LMX1B: variants seen among roughly 807,000 people sequenced by gnomAD.
LMX1B encodes LIM homeobox transcription factor 1-beta.
A neutral mutation model predicts 51.4 loss-of-function variants in LMX1B; 12 were observed. The ratio of observed to expected loss-of-function variants is 0.23; its 90% confidence interval spans 0.15 to 0.38. The LOEUF (loss-of-function observed/expected upper bound fraction) is 0.38. LMX1B is among the 10% of genes least tolerant of loss of function. The probability of loss-of-function intolerance (pLI) is 1.00; values close to 1 mark genes in which losing one functional copy is unlikely to be tolerated. For synonymous variants in LMX1B, 237 were observed against 235.4 expected (o/e 1.01, Z -0.06); for missense variants, 445 against 571.1 (o/e 0.78, Z 2.25).
At chr9:126,674,811 C>T (rs2118952988) in intron 2 of LMX1B, among the ~76,000 whole-genome samples, 1 of 152,354 alleles carries the variant, frequency 6.6e-6, no homozygotes, top group Admixed American at 6.5e-5. Flanking sequence ...CGCTGTGCCT[C>T]TCACCTGCAG....
intron 2 of LMX1B, among the ~76,000 whole-genome samples, chr9:126,639,858 C>G (rs2118878891): frequency 6.6e-6 from 1 of 152,330 alleles, no homozygotes; most frequent in South Asian, 2.1e-4. Flanking sequence ...CTGTGATGAT[C>G]TTTAGCAGGG....
At chr9:126,633,021 A>G (rs1421212472) in intron 2 of LMX1B, among the ~76,000 whole-genome samples, 2 of 152,120 alleles carry the variant, frequency 1.3e-5, no homozygotes, top group Non-Finnish European at 2.9e-5. Context: ...GCCCACATCA[A>G]GGTCTTACTC....
In LMX1B at chr9:126,615,757, G is replaced by T. The variant is rs573342837; in HGVS notation, c.326+188G>T. Among the ~76,000 whole-genome samples, 16 of 152,290 alleles carry T rather than the reference G, an allele frequency of 1.1e-4. No individual in the cohort carries two copies. The highest frequency in any genetic ancestry group is 1.0e-3 in the South Asian group (5 of 4,826). On this transcript the variant is annotated intron_variant, in intron 2 of 7. Transcript: ENST00000373474. This position sits in a 1 kb window ranked among gnomAD's most constrained non-coding sequence, Gnocchi z 6.0. ...CCAGCCCAGCCCAGCGGGCACTGAT[G>T]GGGTCCTGGGAGCCTCCGGACGGCC...
chr9:126,676,420 C>A (rs981659777), intron 2 of LMX1B, among the ~76,000 whole-genome samples: 4 of 152,170 alleles, frequency 2.6e-5, no homozygotes, highest in Non-Finnish European at 5.9e-5. Flanking sequence ...ACCTGGCACA[C>A]AATAAGCACC....
chr9:126,667,222 C>T (rs1836357546), intron 2 of LMX1B, among the ~76,000 whole-genome samples: 1 of 152,170 alleles, frequency 6.6e-6, no homozygotes, highest in South Asian at 2.1e-4. Flanking sequence ...TCCATATTTC[C>T]TCTAACTGCT....
intron 2 of LMX1B, among the ~76,000 whole-genome samples, chr9:126,651,399 A>G (rs4369083): frequency 0.46 from 67,631 of 146,326 alleles, 16,684 homozygotes; most frequent in East Asian, 0.94. Flanking sequence ...GGCAGGTGCA[A>G]GGGGTGGGGC....
At position 126,626,108 on chromosome 9, in the gene LMX1B, G is replaced by A. The variant is rs1835524175; in HGVS notation, c.326+10539G>A. On this transcript the variant is annotated intron_variant, in intron 2 of 7. Coordinates refer to ENST00000373474, the MANE Select transcript of LMX1B (RefSeq NM_001174147.2). This position sits in a 1 kb window ranked among gnomAD's most constrained non-coding sequence, Gnocchi z 4.3. ...AGGCTCCAGTCAGTGGAACCGGAGG[G>A]GGACTTCGGAGGAATTTGTCTCTGA... Among the ~76,000 whole-genome samples the A allele has an allele frequency of 1.3e-5, 2 of 152,234 alleles. No individual in the cohort carries two copies. Among genetic ancestry groups the A allele is most frequent in the South Asian group, 4.1e-4 (2 of 4,834 alleles).
In LMX1B at chr9:126,677,229, G is replaced by T. The variant is rs183409793; in HGVS notation, c.327-13607G>T. On this transcript the variant is annotated intron_variant, in intron 2 of 7. Coordinates refer to ENST00000373474, the MANE Select transcript of LMX1B (RefSeq NM_001174147.2). This position sits in a 1 kb window ranked among gnomAD's most constrained non-coding sequence, Gnocchi z 5.0. Reference sequence around the variant, plus strand: ...CCCTGGGAGAGGGTCCCCATCTCTGGCAGGAAATGAGTGGCACCCACACTT... The same window carrying T: ...CCCTGGGAGAGGGTCCCCATCTCTGTCAGGAAATGAGTGGCACCCACACTT... Among the ~76,000 whole-genome samples the T allele has an allele frequency of 2.6e-4, 39 of 152,274 alleles. No homozygotes were observed. The highest frequency in any genetic ancestry group is 9.4e-4 in the African/African-American group (39 of 41,538).
chr9:126,681,583 C>T (rs958835751), intron 2 of LMX1B, among the ~76,000 whole-genome samples: 1 of 151,682 alleles, frequency 6.6e-6, no homozygotes, highest in Admixed American at 6.6e-5. Flanking sequence ...GCCCCCCCTA[C>T]AGGTGCCTAA....
intron 2 of LMX1B, among the ~76,000 whole-genome samples, chr9:126,681,720 G>A (rs1427769219): frequency 1.3e-5 from 2 of 152,058 alleles, no homozygotes; most frequent in Non-Finnish European, 2.9e-5. Context: ...GGCCAACATA[G>A]TGAAACCCCA....
At chr9:126,678,215 C>T (rs371401687) in intron 2 of LMX1B, among the ~76,000 whole-genome samples, 65 of 150,994 alleles carry the variant, frequency 4.3e-4, no homozygotes, top group African/African-American at 1.6e-3. Flanking sequence ...GAGGCTAAGA[C>T]AGGAGAATCG....
rs183486611 is a variant in LMX1B at position 126,698,211 on chromosome 9, C to T, written c.*1760C>T. On this transcript the variant is annotated 3_prime_UTR_variant, in exon 8 of 8. Coordinates refer to ENST00000373474, the MANE Select transcript of LMX1B (RefSeq NM_001174147.2). ...TTTAGACTGAATGAGGGACCGTGACCTCTTTCCTTTTCCATTCCTTCTTAC... is the reference window on the plus strand; with the variant it reads ...TTTAGACTGAATGAGGGACCGTGACTTCTTTCCTTTTCCATTCCTTCTTAC... 3.9e-5 allele frequency: 6 copies of T among 152,490 alleles called. No homozygotes were observed. Among genetic ancestry groups the T allele is most frequent in the Admixed American group, 3.9e-4 (6 of 15,296 alleles). The allele number at this position is 152,490 out of a possible 1,614,324, so 9.4% of individuals were successfully genotyped here.
At chr9:126,659,700 T>C (rs918138925) in intron 2 of LMX1B, among the ~76,000 whole-genome samples, 42 of 151,982 alleles carry the variant, frequency 2.8e-4, no homozygotes, top group Non-Finnish European at 5.0e-4. Context: ...GATTATTCTA[T>C]CTGGGGGTGC....
chr9:126,654,131 C>T (rs1836068911), intron 2 of LMX1B, among the ~76,000 whole-genome samples: 1 of 152,156 alleles, frequency 6.6e-6, no homozygotes, highest in African/African-American at 2.4e-5. Flanking sequence ...TGTGTTTGTT[C>T]CAGCCCTTCT....
At position 126,676,510 on chromosome 9, in the gene LMX1B, G is replaced by A. The variant is rs140340723; in HGVS notation, c.327-14326G>A. Among the ~76,000 whole-genome samples the A allele has an allele frequency of 3.9e-3, 589 of 152,332 alleles. 3 individuals are homozygous for A. The highest frequency in any genetic ancestry group is 6.5e-3 in the Non-Finnish European group (440 of 68,030). On this transcript the variant is annotated intron_variant, in intron 2 of 7. Transcript: ENST00000373474. ...AACTCCATGCCATGGGGCTTGGGAC[G>A]TGCCCACCTGGCCTTTGAAGGATGA...
intron 2 of LMX1B, among the ~76,000 whole-genome samples, chr9:126,637,822 T>TGCCCCCC (rs1564151130): frequency 1.1e-5 from 1 of 91,996 alleles, no homozygotes. Flanking sequence ...GTGCCTGTCC[T>TGCCCCCC]CCCCCCCCCC....
intron 2 of LMX1B, among the ~76,000 whole-genome samples, chr9:126,624,165 G>T (rs1255803141): frequency 6.6e-6 from 1 of 152,242 alleles, no homozygotes; most frequent in Non-Finnish European, 1.5e-5. Flanking sequence ...CTAGGCTGAA[G>T]CCCGGAGTCC....
chr9:126,684,325 C>CA (rs1184939107), intron 2 of LMX1B, among the ~76,000 whole-genome samples: 3 of 151,798 alleles, frequency 2.0e-5, no homozygotes, highest in Non-Finnish European at 4.4e-5. Context: ...GGGCTTCAGA[C>CA]AAAAAAGGGA....
At position 126,658,399 on chromosome 9, in the gene LMX1B, G is replaced by A. The variant is rs1396103156; in HGVS notation, c.327-32437G>A. Among the ~76,000 whole-genome samples, 2 of 151,950 alleles carry A rather than the reference G, an allele frequency of 1.3e-5. No homozygotes were observed. The highest frequency in any genetic ancestry group is 2.9e-5 in the Non-Finnish European group (2 of 67,980). On this transcript the variant is annotated intron_variant, in intron 2 of 7. Coordinates refer to ENST00000373474, the MANE Select transcript of LMX1B (RefSeq NM_001174147.2). The surrounding 1 kb of genome is among the most constrained non-coding windows in gnomAD (Gnocchi z 4.0). ...CCCTCCCCCTGGCTGCCGGGCCCGGGCACCCCTGCTGCTGACCCCCTGCCC... is the reference window on the plus strand; with the variant it reads ...CCCTCCCCCTGGCTGCCGGGCCCGGACACCCCTGCTGCTGACCCCCTGCCC...
Sources: gnomAD v4.1 joint callset for allele counts (sites outside exome capture counted in the v4.1 genomes callset) on GRCh38, gnomAD v4.1.1 for gene constraint, Gnocchi (gnomAD v3.1) non-coding constraint, MANE v1.5 for transcripts, NCBI Gene and HGNC (gene_info 2026-07-23, HGNC 2026-07-21) for gene names.